Variants in CNNM1 observed in about 807,000 individuals in gnomAD.
The protein encoded by CNNM1 is metal transporter CNNM1.
CNNM1 carries 44 observed loss-of-function variants against 78.8 expected under a neutral mutation model. The ratio of observed to expected loss-of-function variants is 0.56; its 90% CI spans 0.44 to 0.72. The LOEUF (loss-of-function observed/expected upper bound fraction) is 0.72. Ranked by LOEUF, CNNM1 falls within the 30% of genes least tolerant of loss-of-function variation. The pLI is 0.00. For missense variants in CNNM1, 1,101 were observed against 1,292.2 expected (o/e 0.85, Z 2.27); for synonymous variants, 584 against 581.5 (o/e 1.00, Z -0.06).
At chr10:99,357,725 A>C in intron 2 of CNNM1, 70 bp downstream of exon 2, 1 of 1,424,470 alleles carries the variant, frequency 7.0e-7, no homozygotes, top group Non-Finnish European at 9.3e-7. Flanking sequence ...GTAAAGCCTC[A>C]TTTGATTTAT....
chr10:99,362,413 G>A lies in CNNM1; in HGVS notation c.2028+17G>A. Reference sequence around the variant, plus strand: ...CTTCTACAGGTGAGTAGGAAAGTCAGGGAACCTCTGAGAGCCAGAGGAGGG... The same window carrying A: ...CTTCTACAGGTGAGTAGGAAAGTCAAGGAACCTCTGAGAGCCAGAGGAGGG... On this transcript the variant is annotated intron_variant, in intron 4 of 10. Coordinates refer to ENST00000356713, the MANE Select transcript of CNNM1 (RefSeq NM_020348.3). The A allele has an allele frequency of 6.2e-7, 1 of 1,605,060 alleles. No individual in the cohort carries two copies. The highest frequency in any genetic ancestry group is 8.5e-7 in the Non-Finnish European group (1 of 1,176,006).
At chr10:99,390,444 C>T (rs2032440988) in intron 10 of CNNM1, 37 bp downstream of exon 10, 1 of 1,436,672 alleles carries the variant, frequency 7.0e-7, no homozygotes, top group Non-Finnish European at 9.7e-7. Flanking sequence ...GAGAGCCACC[C>T]TGCTGATGGT....
At chr10:99,337,467 T>C (rs1027945953) in intron 1 of CNNM1, among the ~76,000 whole-genome samples, 1 of 152,244 alleles carries the variant, frequency 6.6e-6, no homozygotes, top group Non-Finnish European at 1.5e-5. Context: ...TTTGTCCCTT[T>C]ATTCACATTG....
In CNNM1 at chr10:99,373,687, A is replaced by G. The variant is rs140657236; in HGVS notation, c.2177-3368A>G. On this transcript the variant is annotated intron_variant, in intron 6 of 10. Coordinates refer to ENST00000356713, the MANE Select transcript of CNNM1 (RefSeq NM_020348.3). ...CACCCAAATAGTATACATTGTACTC[A>G]TTAAGTAATTTCTATCCCTCACCCT... Among the ~76,000 whole-genome samples the G allele has an allele frequency of 7.2e-3, 1,094 of 152,320 alleles. 12 individuals are homozygous for G. The highest frequency in any genetic ancestry group is 0.023 in the African/African-American group (949 of 41,568).
intron 1 of CNNM1, among the ~76,000 whole-genome samples, chr10:99,331,298 A>G (rs2029898710): frequency 6.6e-6 from 1 of 152,144 alleles, no homozygotes; most frequent in East Asian, 1.9e-4. Context: ...ATAGCTCCCC[A>G]CCTATTACAG....
At chr10:99,353,588 A>T (rs1007195603) in intron 1 of CNNM1, among the ~76,000 whole-genome samples, 2 of 152,182 alleles carry the variant, frequency 1.3e-5, no homozygotes, top group African/African-American at 4.8e-5. Context: ...GTGCAGGCAT[A>T]GGGCTCTTCA....
At position 99,387,922 on chromosome 10, in the gene CNNM1, G is replaced by T. The variant is rs773353169; in HGVS notation, c.2443G>T (p.Ala815Ser). The T allele has an allele frequency of 6.2e-7, 1 of 1,613,556 alleles. No individual in the cohort carries two copies. Among genetic ancestry groups the T allele is most frequent in the Non-Finnish European group, 8.5e-7 (1 of 1,179,730 alleles). ...EAFTDGDSTKAPTTRGTPQTP... is the reference protein window; with the variant it reads ...EAFTDGDSTKSPTTRGTPQTP... ...CTTCACAGACGGGGACTCCACTAAG[G>T]CCCCCACAACCCGGGGCACACCCCA... The change falls in exon 8 of 11, where the codon GCC becomes TCC. Residue 815 changes from alanine to serine, a missense_variant. Transcript: ENST00000356713.
At chr10:99,390,673 G>GT (rs2032447199) in intron 10 of CNNM1, among the ~76,000 whole-genome samples, 1 of 152,182 alleles carries the variant, frequency 6.6e-6, no homozygotes, top group Non-Finnish European at 1.5e-5. Context: ...TCCTTTACTT[G>GT]TTTTTGTAAG....
chr10:99,388,000 C>T lies in CNNM1; in HGVS notation c.2521C>T (p.Pro841Ser), dbSNP rs1288178322. The change falls in exon 8 of 11, where the codon CCG becomes TCG. Residue 841 changes from proline (P) to serine (S), a missense_variant. Pro to Ser is a moderately conservative substitution (Grantham distance 74). This residue lies in a region of CNNM1 where 348 missense variants were observed against 384.5 expected (regional missense o/e 0.90). Coordinates refer to ENST00000356713, the MANE Select transcript of CNNM1 (RefSeq NM_020348.3). ...ITLLNNRNSL[P>S]CSRSDGLRSP... ...GCTCCTCAACAACAGGAACAGCCTG[C>T]CGTGTAAGTCAGCTGGGCAGACGGG... 1.9e-6 allele frequency: 3 copies of T among 1,585,742 alleles called. No individual in the cohort carries two copies. Among genetic ancestry groups the T allele is most frequent in the Admixed American group, 3.5e-5 (2 of 57,244 alleles).
intron 7 of CNNM1, among the ~76,000 whole-genome samples, chr10:99,382,072 A>G (rs1375334362): frequency 6.6e-6 from 1 of 152,116 alleles, no homozygotes; most frequent in Non-Finnish European, 1.5e-5. Flanking sequence ...CTGCAAGATG[A>G]GTGTTTTCAC....
intron 6 of CNNM1, 54 bp from the exon 7 acceptor site, chr10:99,376,998 CCTT>C: frequency 7.9e-7 from 1 of 1,272,484 alleles, no homozygotes; most frequent in Non-Finnish European, 1.1e-6. Context: ...CCTCCCTCCC[CCTT>C]CTTCCTCCCC....
At chr10:99,359,846 G>A (rs1305270378) in intron 2 of CNNM1, among the ~76,000 whole-genome samples, 1 of 151,204 alleles carries the variant, frequency 6.6e-6, no homozygotes, top group African/African-American at 2.4e-5. Flanking sequence ...CAGGTAAGAT[G>A]GGCTAGCAGT....
In CNNM1 at chr10:99,329,561, G is replaced by C. The variant is rs1466410526; in HGVS notation, c.174G>C (p.Glu58Asp). 6.5e-7 allele frequency: 1 copy of C among 1,530,226 alleles called. No homozygotes were observed. The highest frequency in any genetic ancestry group is 8.7e-7 in the Non-Finnish European group (1 of 1,150,428). 94.8% of individuals were successfully genotyped at this position (1,530,226 alleles called of 1,614,324 possible). A position where few individuals can be genotyped will look rare whatever the true frequency, so the allele number is the denominator to read the frequency against. Residue 58 changes from glutamate to aspartate, a missense_variant, in exon 1 of 11, where the codon GAG becomes GAC. Glu to Asp is a conservative substitution (Grantham distance 45). Around this residue, in one of 3 missense-constraint regions of CNNM1, gnomAD observed 476 missense variants for 484.5 expected, o/e 0.98. Coordinates refer to ENST00000356713, the MANE Select transcript of CNNM1 (RefSeq NM_020348.3). ...EDTAGGRVSLEGGTLRAAEGT... is the reference protein window; with the variant it reads ...EDTAGGRVSLDGGTLRAAEGT... Reference sequence around the variant, plus strand: ...CTGCTGGAGGCCGCGTGTCCCTGGAGGGGGGCACCCTGCGCGCCGCCGAAG... The same window carrying C: ...CTGCTGGAGGCCGCGTGTCCCTGGACGGGGGCACCCTGCGCGCCGCCGAAG...
chr10:99,382,378 C>T (rs1246142639), intron 7 of CNNM1, among the ~76,000 whole-genome samples: 1 of 152,176 alleles, frequency 6.6e-6, no homozygotes, highest in East Asian at 1.9e-4. Context: ...GTCTGGACTA[C>T]GTAACCTTGA....
At chr10:99,388,682 G>T (rs565115996) in intron 9 of CNNM1, among the ~76,000 whole-genome samples, 18 of 152,284 alleles carry the variant, frequency 1.2e-4, no homozygotes, top group African/African-American at 4.1e-4. Context: ...ATCTTATAAA[G>T]TAGCTTTGAG....
intron 6 of CNNM1, among the ~76,000 whole-genome samples, chr10:99,369,342 A>G (rs777028338): frequency 5.9e-5 from 9 of 152,228 alleles, no homozygotes; most frequent in Non-Finnish European, 1.2e-4. Context: ...TCATAGAGCA[A>G]GTAATGACTA....
At chr10:99,356,554 C>CAGAAAGAAAGAAAGAAAAGAAA (rs1189884919) in intron 1 of CNNM1, among the ~76,000 whole-genome samples, 3 of 44,564 alleles carry the variant, frequency 6.7e-5, no homozygotes, top group East Asian at 1.8e-3. Context: ...GACAGACAGA[C>CAGAAAGAAAGAAAGAAAAGAAA]AGACAGACAG....
At chr10:99,360,682 C>T (rs963578755) in intron 2 of CNNM1, among the ~76,000 whole-genome samples, 153 bp from the exon 3 acceptor site, 2 of 152,146 alleles carry the variant, frequency 1.3e-5, no homozygotes, top group African/African-American at 4.8e-5. Flanking sequence ...GTCTATCCCT[C>T]ACCAACATCC....
intron 1 of CNNM1, among the ~76,000 whole-genome samples, chr10:99,350,869 G>A (rs368833910): frequency 1.6e-4 from 24 of 151,906 alleles, no homozygotes; most frequent in African/African-American, 5.1e-4. Context: ...AATTCTTTGC[G>A]GAGGGGACTG....
Sources: allele counts gnomAD v4.1 joint callset (sites outside exome capture counted in the v4.1 genomes callset), GRCh38; gene constraint gnomAD v4.1.1; regional missense constraint gnomAD v4.1.1; transcripts MANE v1.5; gene names NCBI Gene and HGNC (gene_info 2026-07-23, HGNC 2026-07-21).